CSMD3: variants seen among roughly 807,000 people sequenced by gnomAD.
The protein encoded by CSMD3 is CUB and Sushi multiple domains 3, also known as CUB and sushi domain-containing protein 3.
In CSMD3, 177 loss-of-function variants were observed where a neutral mutation model predicts 435.2. That is an observed-to-expected ratio of 0.41 (90% CI 0.36 to 0.46). The LOEUF is 0.46. Among genes scored for constraint, CSMD3 ranks in the 20% least tolerant of loss-of-function variants. The probability of loss-of-function intolerance (pLI) is 0.34; values close to 1 mark genes in which losing one functional copy is unlikely to be tolerated. For synonymous variants in CSMD3, 1,656 were observed against 1,520.5 expected (o/e 1.09, Z -2.07); for missense variants, 4,265 against 4,504.6 (o/e 0.95, Z 1.52).
At chr8:112,758,532 G>C (rs1239257685) in intron 13 of CSMD3, among the ~76,000 whole-genome samples, 1 of 151,858 alleles carries the variant, frequency 6.6e-6, no homozygotes. Flanking sequence ...GTTTCTGCAG[G>C]ATCAATTTCT....
At chr8:112,590,745 G>A (rs4518698) in intron 22 of CSMD3, among the ~76,000 whole-genome samples, 86,731 of 151,606 alleles carry the variant, frequency 0.57, 25,302 homozygotes, top group African/African-American at 0.67. Context: ...GAGATTTTGG[G>A]TCAGAAAACC....
rs1347330081 is a variant in CSMD3, at chr8:112,636,912, G to A, written c.3620C>T (p.Ser1207Leu). The change falls in exon 22 of 71, where the codon TCA (serine) becomes TTA (leucine). Residue 1207 changes from serine to leucine, a missense_variant. Coordinates refer to ENST00000297405, the MANE Select transcript of CSMD3 (RefSeq NM_198123.2). The stretch of plus-strand genomic sequence containing the variant: ...TTCCAGTCGATAACCCGAAGAGCAT[G>A]AGAAGGTCAGAGTGTCACCAATCCC... ...NFGIGDTLTF[S>L]CSSGYRLEGT... The A allele has an allele frequency of 6.2e-7, 1 of 1,613,464 alleles. No homozygotes were observed. Among genetic ancestry groups the A allele is most frequent in the Admixed American group, 1.7e-5 (1 of 59,914 alleles).
chr8:113,022,352 C>A (rs1371742524), intron 5 of CSMD3, among the ~76,000 whole-genome samples: 1 of 151,766 alleles, frequency 6.6e-6, no homozygotes, highest in Non-Finnish European at 1.5e-5. Context: ...AGATTGTACA[C>A]ATTTATTCAA....
chr8:112,430,293 C>T (rs532606665), intron 32 of CSMD3, among the ~76,000 whole-genome samples: 1 of 152,026 alleles, frequency 6.6e-6, no homozygotes, highest in East Asian at 1.9e-4. Flanking sequence ...AAAAAGAAAG[C>T]AGTTATTACC....
intron 3 of CSMD3, among the ~76,000 whole-genome samples, chr8:113,273,070 CT>C (rs944197738): frequency 2.0e-5 from 3 of 151,896 alleles, no homozygotes; most frequent in African/African-American, 7.3e-5. Context: ...CCCAATTACT[CT>C]TATTTGATCA....
intron 13 of CSMD3, among the ~76,000 whole-genome samples, chr8:112,776,965 G>C (rs951044388): frequency 6.6e-6 from 1 of 151,692 alleles, no homozygotes; most frequent in South Asian, 2.1e-4. Context: ...AAACATAAAT[G>C]TGGCTCTGGA....
intron 7 of CSMD3, among the ~76,000 whole-genome samples, chr8:112,970,308 A>G (rs1319000435): frequency 6.7e-6 from 1 of 148,794 alleles, no homozygotes; most frequent in East Asian, 2.1e-4. Flanking sequence ...TAACTTAAAT[A>G]TGGCATGAAC....
intron 27 of CSMD3, among the ~76,000 whole-genome samples, chr8:112,530,256 A>T (rs985931483): frequency 6.6e-6 from 1 of 152,172 alleles, no homozygotes; most frequent in African/African-American, 2.4e-5. Flanking sequence ...TAATAGCTAA[A>T]ATTTTCCCAA....
chr8:113,056,218 T>C (rs1239091571), intron 5 of CSMD3, among the ~76,000 whole-genome samples: 2 of 152,150 alleles, frequency 1.3e-5, no homozygotes, highest in Non-Finnish European at 2.9e-5. Context: ...AAACACTGTC[T>C]ACACGAAAAC....
chr8:112,266,586 G>T (rs1816971714), intron 59 of CSMD3, among the ~76,000 whole-genome samples: 1 of 152,182 alleles, frequency 6.6e-6, no homozygotes, highest in Admixed American at 6.5e-5. Flanking sequence ...ACTCTTCTGA[G>T]CATGAGATCC....
intron 17 of CSMD3, among the ~76,000 whole-genome samples, chr8:112,664,554 T>G (rs2075471187): frequency 6.6e-6 from 1 of 152,186 alleles, no homozygotes; most frequent in African/African-American, 2.4e-5. Flanking sequence ...AATGAAAATT[T>G]TTAAAAATGT....
intron 5 of CSMD3, among the ~76,000 whole-genome samples, chr8:113,080,377 G>T (rs2089511664): frequency 6.6e-6 from 1 of 152,072 alleles, no homozygotes; most frequent in Non-Finnish European, 1.5e-5. Context: ...CTGAAGCTAT[G>T]AATTCAATAA....
intron 13 of CSMD3, among the ~76,000 whole-genome samples, chr8:112,772,029 C>A (rs762707145): frequency 4.0e-5 from 6 of 151,816 alleles, no homozygotes; most frequent in Non-Finnish European, 7.4e-5. Flanking sequence ...GGACATAAAA[C>A]AGATTTTAAT....
chr8:113,130,301 T>C (rs972668483), intron 4 of CSMD3, among the ~76,000 whole-genome samples: 11 of 152,122 alleles, frequency 7.2e-5, no homozygotes, highest in Admixed American at 5.2e-4. Context: ...CCCATCCAAA[T>C]GTCATGTCGA....
intron 13 of CSMD3, among the ~76,000 whole-genome samples, chr8:112,772,304 C>T (rs939326874): frequency 3.9e-5 from 6 of 152,030 alleles, no homozygotes; most frequent in South Asian, 2.1e-4. Flanking sequence ...TGTAACCCTA[C>T]CCCGAACCCT....
rs1832045267 is a variant in CSMD3 at position 112,408,378 on chromosome 8, T to C, written c.5545A>G (p.Thr1849Ala). 1 of 1,611,282 alleles carries C rather than the reference T, an allele frequency of 6.2e-7. No homozygotes were observed. Among genetic ancestry groups the C allele is most frequent in the Non-Finnish European group, 8.5e-7 (1 of 1,177,924 alleles). The change falls in exon 34 of 71, where the codon ACA (threonine) becomes GCA (alanine). Residue 1849 changes from threonine to alanine, a missense_variant. Transcript: ENST00000297405. ...GGTCCAACTGAAGTAAATCGAATTG[T>C]GATCTGATTACCTGAACTCAGTGGA... ...SLPLSSGNQI[T>A]IRFTSVGPIT...
intron 11 of CSMD3, among the ~76,000 whole-genome samples, chr8:112,851,607 T>C (rs1453688236): frequency 1.3e-5 from 2 of 152,012 alleles, no homozygotes; most frequent in South Asian, 2.1e-4. Flanking sequence ...CTACTAAAAA[T>C]GCAAAAATTA....
intron 9 of CSMD3, among the ~76,000 whole-genome samples, chr8:112,925,562 A>T (rs952852613): frequency 5.3e-5 from 8 of 151,916 alleles, no homozygotes; most frequent in Non-Finnish European, 1.0e-4. Flanking sequence ...CAAAAAAAAA[A>T]AATTAAATAT....
intron 12 of CSMD3, among the ~76,000 whole-genome samples, chr8:112,821,989 G>A (rs2079543211): frequency 6.6e-6 from 1 of 152,044 alleles, no homozygotes. Flanking sequence ...TGAGCTCTCT[G>A]TTATGTTCCA....
Sources: allele counts gnomAD v4.1 joint callset (sites outside exome capture counted in the v4.1 genomes callset), GRCh38; gene constraint gnomAD v4.1.1; transcripts MANE v1.5; gene names NCBI Gene and HGNC (gene_info 2026-07-23, HGNC 2026-07-21).